KRT40: variants seen among roughly 807,000 people sequenced by gnomAD.
The protein encoded by KRT40 is keratin, type I cytoskeletal 40.
KRT40 carries 47 observed loss-of-function variants against 43.5 expected under a neutral mutation model. That is an observed-to-expected ratio of 1.08 (90% CI 0.86 to 1.38). The LOEUF (loss-of-function observed/expected upper bound fraction) is 1.38, where lower values mean the gene tolerates loss of function less well. Ranked by LOEUF, KRT40 falls within the 40% of genes most tolerant of loss-of-function variation. KRT40 has a pLI of 0.00. For missense variants in KRT40, 573 were observed against 523.6 expected, an observed-to-expected ratio of 1.09 and a Z score of -0.92; for synonymous variants, 212 against 214.0, an observed-to-expected ratio of 0.99 and a Z score of 0.08.
intron 5 of KRT40, among the ~76,000 whole-genome samples, chr17:40,979,379 G>A (rs1330024880): frequency 1.3e-5 from 2 of 151,988 alleles, no homozygotes; most frequent in Non-Finnish European, 2.9e-5. Flanking sequence ...GCTGGGTACG[G>A]TGGTGGACGC....
chr17:40,979,661 G>A (rs1382466684), intron 5 of KRT40, among the ~76,000 whole-genome samples: 3 of 152,180 alleles, frequency 2.0e-5, no homozygotes, highest in Non-Finnish European at 4.4e-5. Flanking sequence ...TGAGAGGAAA[G>A]ATTGAGTTTG....
chr17:40,978,308 T>C lies in KRT40; in HGVS notation c.1197-12A>G, dbSNP rs756371523. On this transcript the variant is annotated splice_polypyrimidine_tract_variant and intron_variant, in intron 6 of 6. Coordinates refer to ENST00000377755, the MANE Select transcript of KRT40 (RefSeq NM_001389244.1). The stretch of plus-strand genomic sequence containing the variant: ...GGCTACAGGAAAGCCTGGGGAAAAA[T>C]CGATTTTCAACCAAGATTAACAAGG... 39 of 1,605,190 alleles carry C rather than the reference T, an allele frequency of 2.4e-5. No individual in the cohort carries two copies. Among genetic ancestry groups the C allele is most frequent in the African/African-American group, 2.7e-5 (2 of 74,582 alleles).
Position 40,978,224 on chromosome 17 carries a change from G to A in KRT40, c.1269C>T (p.Ile423=), listed in dbSNP as rs200058708. 403 of 1,613,972 alleles carry A rather than the reference G, an allele frequency of 2.5e-4. No individual in the cohort carries two copies. The highest frequency in any genetic ancestry group is 3.2e-4 in the Non-Finnish European group (380 of 1,179,848). Residue 423 remains isoleucine (I), a synonymous_variant, in exon 7 of 7, where the codon ATC becomes ATT. Transcript: ENST00000377755. ...NTCEPCSAYV[I]CTVENCCL Reference sequence around the variant, plus strand: ...ACAAGCAGCAGTTTTCAACAGTGCAGATGACATAGGCTGAGCATGGCTCAC... The same window carrying A: ...ACAAGCAGCAGTTTTCAACAGTGCAAATGACATAGGCTGAGCATGGCTCAC...
chr17:40,983,956 C>G lies in KRT40; in HGVS notation c.318G>C (p.Lys106Asn), dbSNP rs758624112. The change falls in exon 1 of 7, where the codon AAG becomes AAC. Residue 106 changes from lysine (K) to asparagine (N), a missense_variant. Physicochemically the swap from Lys to Asn is moderately conservative, Grantham distance 94 (BLOSUM62 0). Coordinates refer to ENST00000377755, the MANE Select transcript of KRT40 (RefSeq NM_001389244.1). ...LNDRLASYLE[K>N]VRSLEETNAE... ...CGTTGGTCTCCTCCAGGCTGCGCACCTTCTCCAGATAGCTGGCGAGTCTGT... is the reference window on the plus strand; with the variant it reads ...CGTTGGTCTCCTCCAGGCTGCGCACGTTCTCCAGATAGCTGGCGAGTCTGT... 12 of 1,613,946 alleles carry G rather than the reference C, an allele frequency of 7.4e-6. No individual in the cohort carries two copies. Among genetic ancestry groups the G allele is most frequent in the African/African-American group, 1.3e-5 (1 of 74,888 alleles).
intron 5 of KRT40, among the ~76,000 whole-genome samples, chr17:40,980,340 A>C (rs1016460820): frequency 6.6e-6 from 1 of 152,178 alleles, no homozygotes; most frequent in Admixed American, 6.5e-5. Flanking sequence ...TCTTGAACGC[A>C]TGGTGTTCCT....
chr17:40,983,016 A>G, intron 2 of KRT40, 30 bp downstream of exon 2: 1 of 924,336 alleles, frequency 1.1e-6, no homozygotes, highest in East Asian at 2.5e-5. Context: ...CTCAAAATAA[A>G]TAAATAAAAT....
Position 40,978,100 on chromosome 17 carries a change from TG to T in KRT40, c.*96del. On this transcript the variant is annotated 3_prime_UTR_variant, in exon 7 of 7. Transcript: ENST00000377755. ...GCAATTCCAGGATATGAGAGCCTCCTGGATTTGTGCTTCCGGTTTGGATGTC... is the reference window on the plus strand; with the variant it reads ...GCAATTCCAGGATATGAGAGCCTCCTGATTTGTGCTTCCGGTTTGGATGTC... 1.1e-6 allele frequency: 1 copy of T among 877,602 alleles called. No individual in the cohort carries two copies. Among genetic ancestry groups the T allele is most frequent in the Non-Finnish European group, 1.9e-6 (1 of 530,540 alleles). The allele number at this position is 877,602 out of a possible 1,614,324, so 54.4% of individuals were successfully genotyped here. A position where few individuals can be genotyped will look rare whatever the true frequency, so the allele number is the denominator to read the frequency against.
intron 5 of KRT40, among the ~76,000 whole-genome samples, chr17:40,979,251 C>T (rs1232025381): frequency 6.6e-6 from 1 of 152,150 alleles, no homozygotes; most frequent in African/African-American, 2.4e-5. Context: ...CGCGGTGGCT[C>T]AGGCCTGTAA....
chr17:40,985,131 A>C (rs1357704752), upstream of KRT40, among the ~76,000 whole-genome samples: 1 of 152,198 alleles, frequency 6.6e-6, no homozygotes, highest in Non-Finnish European at 1.5e-5. Flanking sequence ...CTTAATGATT[A>C]TACTTCAGAG....
At chr17:40,978,461 T>C (rs989923540) in intron 6 of KRT40, among the ~76,000 whole-genome samples, 165 bp from the exon 7 acceptor site, 1 of 152,242 alleles carries the variant, frequency 6.6e-6, no homozygotes, top group African/African-American at 2.4e-5. Context: ...GAATTGCCAC[T>C]TCATGTTCAC....
chr17:40,980,868 G>A lies in KRT40; in HGVS notation c.892C>T (p.Leu298=). The stretch of plus-strand genomic sequence containing the variant: ...AAGATCTCCATCTGGCAGCCCTGCA[G>A]CTGCTCCGCGCTGGACAGTTGCTGC... ...NQQQLSSAEQ[L]QGCQMEILEL... Residue 298 remains leucine (L), a synonymous_variant, in exon 5 of 7, where the codon CTG becomes TTG. Transcript: ENST00000377755. The A allele has an allele frequency of 6.2e-7, 1 of 1,613,634 alleles. No individual in the cohort carries two copies. The highest frequency in any genetic ancestry group is 1.1e-5 in the South Asian group (1 of 91,040).
chr17:40,984,076 C>T lies in KRT40; in HGVS notation c.198G>A (p.Gly66=). Residue 66 remains glycine, a synonymous_variant, in exon 1 of 7, where the codon GGG becomes GGA. Transcript: ENST00000377755. ...TGCLLPCYFT[G]SCNSPCLVGN... ...CCACCAAGCAGGGACTATTACAACT[C>T]CCAGTAAAGTAGCATGGCAGGAGGC... The T allele has an allele frequency of 6.2e-7, 1 of 1,614,066 alleles. No homozygotes were observed. The highest frequency in any genetic ancestry group is 2.2e-5 in the East Asian group (1 of 44,874).
At position 40,978,983 on chromosome 17, in the gene KRT40, C is replaced by CTGGG; in HGVS notation, c.1013_1016dup (p.Gln339HisfsTer16). On this transcript the variant is annotated frameshift_variant, in exon 6 of 7. Transcript: ENST00000377755. LOFTEE classifies it high-confidence loss of function. ...GAATTTGGGCCAGCTGGGAGCTGTA[C>CTGGG]TGGGCCTCGGTTTCTGCCACGGTGC... 6.2e-7 allele frequency: 1 copy of CTGGG among 1,614,136 alleles called. No homozygotes were observed. The highest frequency in any genetic ancestry group is 8.5e-7 in the Non-Finnish European group (1 of 1,180,004).
At chr17:40,980,017 T>A (rs1046371644) in intron 5 of KRT40, among the ~76,000 whole-genome samples, 11 of 152,088 alleles carry the variant, frequency 7.2e-5, no homozygotes, top group East Asian at 5.8e-4. Flanking sequence ...GTAAAAAAAA[T>A]TTACGCATAT....
rs149239458 is a variant in KRT40, at chr17:40,984,319, C to G, written c.-46G>C. 5.5e-6 allele frequency: 8 copies of G among 1,460,634 alleles called. No individual in the cohort carries two copies. In the South Asian group the frequency reaches 9.9e-5, roughly 18 times the overall value. The allele number at this position is 1,460,634 out of a possible 1,614,324, so 90.5% of individuals were successfully genotyped here. ...AGACTGGCTGCAAAACTTCAGTTGCCTTGACTCCAAAACTCTCCTCTCCTG... is the reference window on the plus strand; with the variant it reads ...AGACTGGCTGCAAAACTTCAGTTGCGTTGACTCCAAAACTCTCCTCTCCTG... On this transcript the variant is annotated 5_prime_UTR_variant, in exon 1 of 7. Coordinates refer to ENST00000377755, the MANE Select transcript of KRT40 (RefSeq NM_001389244.1).
chr17:40,985,306 C>T (rs984787665), upstream of KRT40, among the ~76,000 whole-genome samples: 3 of 152,102 alleles, frequency 2.0e-5, no homozygotes, highest in East Asian at 3.9e-4. Flanking sequence ...TGGATGAAAT[C>T]TCTGGTGCCA....
chr17:40,982,778 C>G (rs1912250989), intron 2 of KRT40, among the ~76,000 whole-genome samples: 1 of 152,052 alleles, frequency 6.6e-6, no homozygotes, highest in Non-Finnish European at 1.5e-5. Context: ...CCAAGGCGGG[C>G]AGATCACCTG....
upstream of KRT40, chr17:40,987,078 T>TG (rs1912501902): frequency 6.6e-6 from 1 of 152,248 alleles, no homozygotes. Context: ...GTCGTTCAAC[T>TG]GCCTCATGTG....
chr17:40,978,622 A>T (rs1380822964), intron 6 of KRT40, among the ~76,000 whole-genome samples, 182 bp downstream of exon 6: 2 of 148,192 alleles, frequency 1.3e-5, no homozygotes, highest in Non-Finnish European at 1.5e-5. Context: ...CTGCCTTTAG[A>T]ATATTTTAAA....
Sources: allele counts gnomAD v4.1 joint callset (sites outside exome capture counted in the v4.1 genomes callset), GRCh38; gene constraint gnomAD v4.1.1; transcripts MANE v1.5; gene names NCBI Gene and HGNC (gene_info 2026-07-23, HGNC 2026-07-21).